The following NBAS variants were observed in gnomAD, a reference collection of about 807,000 sequenced individuals.
NBAS encodes NAG/BC035112 fusion.
A neutral mutation model predicts 302.5 loss-of-function variants in NBAS; 219 were observed. The observed-to-expected ratio is 0.72, with a 90% CI of 0.65 to 0.81. The LOEUF (loss-of-function observed/expected upper bound fraction) is 0.81. Among genes scored for constraint, NBAS ranks in the 30% least tolerant of loss-of-function variants. NBAS has a pLI of 0.00. For synonymous variants in NBAS, 1,118 were observed against 1,021.6 expected, an observed-to-expected ratio of 1.09 and a Z score of -1.80; for missense variants, 2,932 against 2,841.6, an observed-to-expected ratio of 1.03 and a Z score of -0.72.
chr2:14,953,231 CAG>C, the NBAS span, among the ~76,000 whole-genome samples: 3 of 152,194 alleles, frequency 2.0e-5, no homozygotes, highest in East Asian at 5.8e-4. Context: ...GAGGGAGAGA[CAG>C]AGCACCATTT....
intron 50 of NBAS, among the ~76,000 whole-genome samples, chr2:15,183,837 T>C (rs900110883): frequency 3.3e-5 from 5 of 152,318 alleles, no homozygotes; most frequent in Non-Finnish European, 5.9e-5. Context: ...ATGTGTGCTT[T>C]AGGTGCTGTG....
intron 35 of NBAS, among the ~76,000 whole-genome samples, chr2:15,341,818 A>G (rs1350698873): frequency 1.3e-5 from 2 of 152,204 alleles, no homozygotes; most frequent in Non-Finnish European, 2.9e-5. Flanking sequence ...TTATCCCAGA[A>G]GCATGACAAT....
chr2:15,339,597 A>T (rs573919261), intron 35 of NBAS, among the ~76,000 whole-genome samples: 2 of 152,352 alleles, frequency 1.3e-5, no homozygotes, highest in Admixed American at 1.3e-4. Context: ...GCTACAAAGA[A>T]CTTACAATCC....
the NBAS span, among the ~76,000 whole-genome samples, chr2:14,785,177 G>C: frequency 6.6e-6 from 1 of 152,202 alleles, no homozygotes; most frequent in Non-Finnish European, 1.5e-5. Context: ...TTTGTATCCT[G>C]AGACTTTGCT....
intron 31 of NBAS, among the ~76,000 whole-genome samples, 177 bp downstream of exon 31, chr2:15,374,431 T>A (rs1447060617): frequency 6.6e-6 from 1 of 152,204 alleles, no homozygotes; most frequent in Admixed American, 6.5e-5. Flanking sequence ...GTTGGCTTTA[T>A]TTTTTCTTTT....
Position 15,415,687 on chromosome 2 carries a change from G to A in NBAS, c.2796C>T (p.Tyr932=), listed in dbSNP as rs770627339. 6.8e-6 allele frequency: 11 copies of A among 1,614,160 alleles called. No homozygotes were observed. The highest frequency in any genetic ancestry group is 9.3e-6 in the Non-Finnish European group (11 of 1,180,036). ...GATGAAGAAAGGGAACCATCCACTG[G>A]TAGGCACTTGTCACATATTTATCCT... ...CSEDKYVTSA[Y]QWMVPFLHRC... Residue 932 remains tyrosine, a synonymous_variant, in exon 25 of 52, where the codon TAC becomes TAT. Coordinates refer to ENST00000281513, the MANE Select transcript of NBAS (RefSeq NM_015909.4).
At chr2:14,812,358 T>G in the NBAS span, among the ~76,000 whole-genome samples, 1 of 152,206 alleles carries the variant, frequency 6.6e-6, no homozygotes. Context: ...AAGGGAATTA[T>G]ATAAGGAGTG....
At chr2:15,116,316 A>G in the NBAS span, among the ~76,000 whole-genome samples, 1 of 152,208 alleles carries the variant, frequency 6.6e-6, no homozygotes, top group African/African-American at 2.4e-5. Flanking sequence ...TATTTCTTAC[A>G]GTTCCCAAGG....
At chr2:15,466,317 A>G (rs184199434) in intron 19 of NBAS, among the ~76,000 whole-genome samples, 72 of 151,892 alleles carry the variant, frequency 4.7e-4, no homozygotes, top group African/African-American at 1.6e-3. Context: ...GGCAGAACAC[A>G]GACTAAGAAA....
chr2:15,168,519 T>G (rs929978320), intron 51 of NBAS, among the ~76,000 whole-genome samples: 1 of 152,266 alleles, frequency 6.6e-6, no homozygotes, highest in African/African-American at 2.4e-5. Flanking sequence ...TGACATTTTC[T>G]TTAACTCTCT....
At chr2:15,219,904 G>A (rs1187059521) in intron 47 of NBAS, among the ~76,000 whole-genome samples, 5 of 147,532 alleles carry the variant, frequency 3.4e-5, no homozygotes, top group African/African-American at 1.3e-4. Context: ...GGGGCGGCCG[G>A]GCAGAAGCGC....
the NBAS span, among the ~76,000 whole-genome samples, chr2:14,825,660 C>T: frequency 1.3e-5 from 2 of 152,222 alleles, no homozygotes; most frequent in Non-Finnish European, 2.9e-5. Flanking sequence ...AAAAAATGGT[C>T]CCTGTATTCC....
At chr2:15,154,434 T>C in the NBAS span, among the ~76,000 whole-genome samples, 3 of 152,188 alleles carry the variant, frequency 2.0e-5, no homozygotes, top group Non-Finnish European at 2.9e-5. Flanking sequence ...GTCTGCTTCT[T>C]AGCTGTGACT....
At position 15,236,288 on chromosome 2, in the gene NBAS, G is replaced by A. The variant is rs867635465; in HGVS notation, c.5944-1541C>T. 8.6e-5 allele frequency among the ~76,000 whole-genome samples: 13 copies of A among 152,000 alleles called. No homozygotes were observed. The South Asian group carries it at 2.7e-3, about 32-fold the overall frequency. Reference sequence around the variant, plus strand: ...ATTGGAAGACAATACTTGTGGCTGGGTGAAGTGGCTCAGACCTGGAAGGCC... The same window carrying A: ...ATTGGAAGACAATACTTGTGGCTGGATGAAGTGGCTCAGACCTGGAAGGCC... On this transcript the variant is annotated intron_variant, in intron 45 of 51. Coordinates refer to ENST00000281513, the MANE Select transcript of NBAS (RefSeq NM_015909.4).
chr2:14,920,122 T>C, the NBAS span, among the ~76,000 whole-genome samples: 3 of 152,220 alleles, frequency 2.0e-5, no homozygotes, highest in African/African-American at 7.2e-5. Context: ...AATTATTCCT[T>C]GATCCATAGG....
intron 11 of NBAS, among the ~76,000 whole-genome samples, chr2:15,500,791 G>A (rs1014755041): frequency 2.0e-5 from 3 of 151,942 alleles, no homozygotes; most frequent in African/African-American, 4.8e-5. Context: ...GGGCGTGGGG[G>A]CGGGTACCTG....
chr2:15,081,919 C>CT, the NBAS span, among the ~76,000 whole-genome samples: 11 of 152,208 alleles, frequency 7.2e-5, no homozygotes, highest in Admixed American at 7.2e-4. Flanking sequence ...AGAATCACAA[C>CT]TTTTCCACTC....
chr2:14,979,182 C>G, the NBAS span, among the ~76,000 whole-genome samples: 1 of 152,090 alleles, frequency 6.6e-6, no homozygotes, highest in East Asian at 1.9e-4. Flanking sequence ...AAAATATTGC[C>G]CTGATATTGC....
intron 38 of NBAS, among the ~76,000 whole-genome samples, chr2:15,324,593 G>C (rs1430465213): frequency 6.6e-6 from 1 of 152,040 alleles, no homozygotes; most frequent in African/African-American, 2.4e-5. Flanking sequence ...AGTGCCTCTG[G>C]GTTTGCCTAT....
Sources: gnomAD v4.1 joint callset for allele counts (sites outside exome capture counted in the v4.1 genomes callset) on GRCh38, gnomAD v4.1.1 for gene constraint, MANE v1.5 for transcripts, NCBI Gene and HGNC (gene_info 2026-07-23, HGNC 2026-07-21) for gene names.